The following CMBL variants were observed in gnomAD, a reference collection of about 807,000 sequenced individuals.
CMBL encodes the protein carboxymethylenebutenolidase homolog, also known as carboxymethylenebutenolidase homolog (Pseudomonas).
Under a neutral mutation model 28.7 loss-of-function variants are expected in CMBL, and 17 were observed. That is an observed-to-expected ratio of 0.59 (90% confidence interval 0.41 to 0.89). CMBL has a LOEUF of 0.89. CMBL is among the 40% of genes least tolerant of loss of function. The pLI is 0.00. For synonymous variants in CMBL, 106 were observed against 101.6 expected (o/e 1.04, Z -0.26); for missense variants, 310 against 298.5 (o/e 1.04, Z -0.28).
rs914052806 is a variant in CMBL, at chr5:10,290,690, C to T, written c.73G>A (p.Val25Ile). 1 of 1,614,218 alleles carries T rather than the reference C, an allele frequency of 6.2e-7. No individual in the cohort carries two copies. Among genetic ancestry groups the T allele is most frequent in the Non-Finnish European group, 8.5e-7 (1 of 1,180,048 alleles). The change falls in exon 2 of 6, where the codon GTT becomes ATT. Residue 25 changes from valine to isoleucine, a missense_variant. Physicochemically the swap from Val to Ile is conservative, Grantham distance 29. Transcript: ENST00000296658. ...TAAGCCTTGATGTGCTCGACTTGAA[C>T]TTCACGGCCTAGCCCTCCATACTCA... ...RLEYGGLGRE[V>I]QVEHIKAYVT...
chr5:10,299,502 G>T (rs190823209), intron 1 of CMBL, among the ~76,000 whole-genome samples: 1 of 152,190 alleles, frequency 6.6e-6, no homozygotes, highest in East Asian at 1.9e-4. Flanking sequence ...CAGATGCCCC[G>T]CACCCTAGAT....
chr5:10,300,211 C>T (rs1020077095), intron 1 of CMBL, among the ~76,000 whole-genome samples: 2 of 152,064 alleles, frequency 1.3e-5, no homozygotes, highest in African/African-American at 2.4e-5. Flanking sequence ...AAGAGAAGGC[C>T]GTGTGAAGAT....
chr5:10,293,072 C>T (rs921244723), intron 1 of CMBL, among the ~76,000 whole-genome samples: 27 of 152,236 alleles, frequency 1.8e-4, no homozygotes, highest in African/African-American at 5.1e-4. Flanking sequence ...TACCATGTTA[C>T]CATGAAAACA....
chr5:10,304,731 T>C (rs755552129), intron 1 of CMBL, among the ~76,000 whole-genome samples: 2 of 152,134 alleles, frequency 1.3e-5, no homozygotes, highest in Non-Finnish European at 2.9e-5. Flanking sequence ...GGCAAGAGGA[T>C]TGCTTGAGGC....
chr5:10,283,849 C>G (rs748422979), intron 4 of CMBL, among the ~76,000 whole-genome samples: 1 of 152,346 alleles, frequency 6.6e-6, no homozygotes, highest in East Asian at 1.9e-4. Flanking sequence ...CTGCCTGACC[C>G]AGGTTGTCTG....
chr5:10,285,686 T>TTCTTTC (rs149124521), intron 4 of CMBL, among the ~76,000 whole-genome samples: 2,686 of 79,004 alleles, frequency 0.034, 82 homozygotes, highest in African/African-American at 0.076. Flanking sequence ...CTTTCTTTCT[T>TTCTTTC]TCTCTTTCTT....
At chr5:10,302,408 G>C (rs1422283505) in intron 1 of CMBL, among the ~76,000 whole-genome samples, 1 of 151,608 alleles carries the variant, frequency 6.6e-6, no homozygotes, top group Non-Finnish European at 1.5e-5. Flanking sequence ...ACATTGGAAG[G>C]CCAAGGCTGG....
intron 3 of CMBL, among the ~76,000 whole-genome samples, chr5:10,287,786 C>T (rs977849547): frequency 2.1e-4 from 32 of 151,948 alleles, no homozygotes; most frequent in African/African-American, 7.2e-4. Flanking sequence ...TCTTGGCTCA[C>T]TGCAATCTCC....
chr5:10,280,562 T>C lies in CMBL; in HGVS notation c.629A>G (p.Gln210Arg), dbSNP rs1349502339. ...VEYQIKTFSG[Q>R]THGFVHRKRE... ...CTTCCGATGCACGAACCCATGAGTC[T>C]GCCCAGAAAATGTTTTAATTTGATA... Residue 210 changes from glutamine (Q) to arginine (R), a missense_variant, in exon 6 of 6, where the codon CAG becomes CGG. Physicochemically the swap from Gln to Arg is conservative, Grantham distance 43 (BLOSUM62 1). Transcript: ENST00000296658. 1.9e-6 allele frequency: 3 copies of C among 1,613,862 alleles called. No individual in the cohort carries two copies. In the South Asian group the frequency reaches 3.3e-5, roughly 18 times the overall value.
At chr5:10,291,119 G>C (rs1324184335) in intron 1 of CMBL, among the ~76,000 whole-genome samples, 3 of 152,200 alleles carry the variant, frequency 2.0e-5, no homozygotes, top group Admixed American at 1.3e-4. Context: ...GTGATGCTGG[G>C]GGACAGGACC....
intron 3 of CMBL, among the ~76,000 whole-genome samples, chr5:10,287,489 G>A (rs745506903): frequency 4.6e-5 from 7 of 151,786 alleles, no homozygotes; most frequent in Admixed American, 1.3e-4. Context: ...GACTCAGAAG[G>A]GGGAGGGTGG....
In CMBL at chr5:10,286,406, G is replaced by C; in HGVS notation, c.414C>G (p.Val138=). Residue 138 remains valine, a synonymous_variant, in exon 4 of 6, where the codon GTC becomes GTG. Transcript: ENST00000296658. ...IVGFCWGGTA[V]HHLMMKYSEF... ...CTGAGTATTTCATCATCAAATGATG[G>C]ACAGCAGTTCCACCCCAGCAGAATC... The C allele has an allele frequency of 6.2e-7, 1 of 1,613,928 alleles. No individual in the cohort carries two copies. The highest frequency in any genetic ancestry group is 1.1e-5 in the South Asian group (1 of 91,066).
chr5:10,279,213 A>G lies in CMBL; in HGVS notation c.*1240T>C, dbSNP rs531454576. ...TGCTTGGAAATCCACTGCTTAGGAG[A>G]CAACAGCTGGGTGACAACTCTAGCC... On this transcript the variant is annotated 3_prime_UTR_variant, in exon 6 of 6. Transcript: ENST00000296658. The G allele has an allele frequency of 2.1e-4, 32 of 152,290 alleles. No homozygotes were observed. The highest frequency in any genetic ancestry group is 7.2e-4 in the African/African-American group (30 of 41,544). 9.4% of individuals were successfully genotyped at this position (152,290 alleles called of 1,614,324 possible).
rs1204919585 is a variant in CMBL, at chr5:10,278,187, C to A, written c.*2266G>T. On this transcript the variant is annotated 3_prime_UTR_variant, in exon 6 of 6. Coordinates refer to ENST00000296658, the MANE Select transcript of CMBL (RefSeq NM_138809.4). ...CTCAGGAAGCTCAAGTTTGGGAATT[C>A]TTTGAATTTTATGTTTCCTGAGCAT... Among the ~76,000 whole-genome samples the A allele has an allele frequency of 1.3e-5, 2 of 152,196 alleles. No individual in the cohort carries two copies. The highest frequency in any genetic ancestry group is 2.9e-5 in the Non-Finnish European group (2 of 68,030).
At position 10,286,483 on chromosome 5, in the gene CMBL, T is replaced by C. The variant is rs372248737; in HGVS notation, c.337A>G (p.Ile113Val). Residue 113 changes from isoleucine (I) to valine (V), a missense_variant, in exon 4 of 6, where the codon ATC becomes GTC. Physicochemically the swap from Ile to Val is conservative, Grantham distance 29. Transcript: ENST00000296658. ...CACTGTTGTTTCAGATACTTCAAGATAGCACTGATCTCTCTAGAACAGAAA... is the reference window on the plus strand; with the variant it reads ...CACTGTTGTTTCAGATACTTCAAGACAGCACTGATCTCTCTAGAACAGAAA... ...AQKIDREISAILKYLKQQCHA... is the reference protein window; with the variant it reads ...AQKIDREISAVLKYLKQQCHA... 6.8e-6 allele frequency: 11 copies of C among 1,613,954 alleles called. No individual in the cohort carries two copies. The Middle Eastern group carries it at 4.9e-4, about 72-fold the overall frequency.
intron 1 of CMBL, among the ~76,000 whole-genome samples, chr5:10,298,273 A>C (rs879594294): frequency 2.6e-5 from 4 of 152,180 alleles, no homozygotes; most frequent in Admixed American, 2.6e-4. Flanking sequence ...AATTTCAACA[A>C]TCAGAAGGAA....
intron 1 of CMBL, among the ~76,000 whole-genome samples, chr5:10,295,482 G>T (rs777999362): frequency 2.6e-5 from 4 of 152,196 alleles, no homozygotes; most frequent in Non-Finnish European, 5.9e-5. Flanking sequence ...GACACACAGG[G>T]TGCAATAGAC....
intron 1 of CMBL, among the ~76,000 whole-genome samples, chr5:10,297,236 G>T (rs978454713): frequency 2.6e-5 from 4 of 151,382 alleles, no homozygotes; most frequent in Non-Finnish European, 5.9e-5. Context: ...GAACTAAAGA[G>T]AGTGAACACA....
chr5:10,281,065 C>T (rs998460329), intron 5 of CMBL, among the ~76,000 whole-genome samples: 6 of 152,242 alleles, frequency 3.9e-5, no homozygotes, highest in Non-Finnish European at 5.9e-5. Context: ...TGAGCCACGG[C>T]GCCCGGCCTC....
Sources: allele counts gnomAD v4.1 joint callset (sites outside exome capture counted in the v4.1 genomes callset), GRCh38; gene constraint gnomAD v4.1.1; transcripts MANE v1.5; gene names NCBI Gene and HGNC (gene_info 2026-07-23, HGNC 2026-07-21).